LPP: variants seen among roughly 807,000 people sequenced by gnomAD.
The protein encoded by LPP is LIM domain containing preferred translocation partner in lipoma.
Under a neutral mutation model 60.4 loss-of-function variants are expected in LPP, and 38 were observed. The observed-to-expected ratio is 0.63, with a 90% CI of 0.49 to 0.83. The LOEUF is 0.83. LPP is among the 40% of genes least tolerant of loss of function. The pLI, the probability that LPP is intolerant of heterozygous loss-of-function variation, is 0.00. For missense variants in LPP, 902 were observed against 783.6 expected, an observed-to-expected ratio of 1.15 and a Z score of -1.80; for synonymous variants, 328 against 290.8, an observed-to-expected ratio of 1.13 and a Z score of -1.30.
chr3:188,192,398 T>C (rs1459495011), intron 1 of LPP, among the ~76,000 whole-genome samples: 2 of 152,194 alleles, frequency 1.3e-5, no homozygotes, highest in African/African-American at 4.8e-5. Flanking sequence ...AGTCGTCCTG[T>C]TAACAGCAGG....
At position 188,371,275 on chromosome 3, in the gene LPP, A is replaced by ATATGAAT. The variant is rs570967085; in HGVS notation, c.-10+29560_-10+29566dup. On this transcript the variant is annotated intron_variant, in intron 3 of 11. Transcript: ENST00000617246. ...GGGGGTCATTAATTCATTTATTTATATATGAATTATCTACATTCATTTATA... is the reference window on the plus strand; with the variant it reads ...GGGGGTCATTAATTCATTTATTTATATATGAATTATGAATTATCTACATTCATTTATA... Among the ~76,000 whole-genome samples, 365 of 148,450 alleles carry ATATGAAT rather than the reference A, an allele frequency of 2.5e-3. 1 individual carries two copies. Among genetic ancestry groups the ATATGAAT allele is most frequent in the African/African-American group, 9.2e-3 (349 of 38,116 alleles).
intron 1 of LPP, among the ~76,000 whole-genome samples, chr3:188,214,747 A>T (rs1712818579): frequency 6.6e-6 from 1 of 152,152 alleles, no homozygotes; most frequent in African/African-American, 2.4e-5. Flanking sequence ...GCCTTGAAGA[A>T]GGAAAGCCTG....
At chr3:188,798,421 G>C (rs1386913627) in intron 9 of LPP, among the ~76,000 whole-genome samples, 1 of 152,036 alleles carries the variant, frequency 6.6e-6, no homozygotes, top group African/African-American at 2.4e-5. Context: ...AACATAATAA[G>C]GCCTGTTGAG....
chr3:188,553,469 T>C (rs1335084498), intron 6 of LPP, among the ~76,000 whole-genome samples: 2 of 152,146 alleles, frequency 1.3e-5, no homozygotes, highest in African/African-American at 2.4e-5. Context: ...ATGTTGGAGC[T>C]GGCATTACCC....
chr3:188,181,873 C>T (rs537275901), intron 1 of LPP, among the ~76,000 whole-genome samples: 10 of 152,168 alleles, frequency 6.6e-5, no homozygotes, highest in Non-Finnish European at 1.5e-4. Context: ...CAGGTGCACG[C>T]CACTGCACCT....
chr3:188,231,184 G>A (rs1871518), intron 2 of LPP, among the ~76,000 whole-genome samples: 106,248 of 152,018 alleles, frequency 0.7, 38,500 homozygotes, highest in African/African-American at 0.89. Context: ...GAGTCACTAG[G>A]TCCAGGCCAC....
intron 2 of LPP, among the ~76,000 whole-genome samples, chr3:188,265,367 T>C (rs1735125748): frequency 6.6e-6 from 1 of 152,228 alleles, no homozygotes; most frequent in Admixed American, 6.5e-5. Context: ...GACCCCTGTC[T>C]GCGAAGAAAG....
chr3:188,346,871 C>CT, intron 3 of LPP, among the ~76,000 whole-genome samples: 1 of 152,274 alleles, frequency 6.6e-6, no homozygotes, highest in Admixed American at 6.5e-5. Context: ...TTGTTATACT[C>CT]TGAGTGTTAG....
At chr3:188,543,615 T>C (rs112000210) in intron 6 of LPP, among the ~76,000 whole-genome samples, 2,508 of 152,262 alleles carry the variant, frequency 0.016, 66 homozygotes, top group African/African-American at 0.053. Flanking sequence ...TCCTCAGTTA[T>C]TTGTCATGGG....
chr3:188,456,471 A>G (rs1004352188), intron 4 of LPP, among the ~76,000 whole-genome samples: 5 of 152,264 alleles, frequency 3.3e-5, no homozygotes, highest in Admixed American at 6.5e-5. Context: ...GTGATGAACA[A>G]ATCATTTGAT....
rs539317745 is a variant in LPP, at chr3:188,523,202, C to T, written c.307-1463C>T. ...GATTACAGGCATGAGCCACCGCGCCCGTCCTGAAATCCATGTTTAAAGAGG... is the reference window on the plus strand; with the variant it reads ...GATTACAGGCATGAGCCACCGCGCCTGTCCTGAAATCCATGTTTAAAGAGG... On this transcript the variant is annotated intron_variant, in intron 5 of 11. Coordinates refer to ENST00000617246, the MANE Select transcript of LPP (RefSeq NM_001375462.1). 1.4e-4 allele frequency among the ~76,000 whole-genome samples: 22 copies of T among 152,158 alleles called. No homozygotes were observed. In the East Asian group the frequency reaches 4.3e-3, roughly 29 times the overall value.
chr3:188,288,819 C>A lies in LPP; in HGVS notation c.-66-52844C>A, dbSNP rs113004294. On this transcript the variant is annotated intron_variant, in intron 2 of 11. Transcript: ENST00000617246. ...TCTCTCTCTCTCTCTCCACCCCCCA[C>A]CCCCCACCCCCACCCCCCCGCCCCT... Among the ~76,000 whole-genome samples, 31 of 28,314 alleles carry A rather than the reference C, an allele frequency of 1.1e-3. 1 individual carries two copies. The highest frequency in any genetic ancestry group is 4.3e-3 in the African/African-American group (16 of 3,736). 18.6% of individuals were successfully genotyped at this position (28,314 alleles called of 152,430 possible). A position where few individuals can be genotyped will look rare whatever the true frequency, so the allele number is the denominator to read the frequency against.
chr3:188,450,967 G>C (rs1796454546), intron 4 of LPP, among the ~76,000 whole-genome samples: 1 of 152,100 alleles, frequency 6.6e-6, no homozygotes, highest in Admixed American at 6.6e-5. Flanking sequence ...GCAGAAGTTA[G>C]CTCAGGATTT....
intron 4 of LPP, among the ~76,000 whole-genome samples, chr3:188,459,261 A>C (rs2149415679): frequency 6.6e-6 from 1 of 152,250 alleles, no homozygotes. Flanking sequence ...TTTCTGTTTG[A>C]CTAGATTACC....
intron 9 of LPP, among the ~76,000 whole-genome samples, chr3:188,828,630 A>C (rs1389992556): frequency 2.0e-5 from 3 of 147,644 alleles, no homozygotes; most frequent in Non-Finnish European, 3.0e-5. Flanking sequence ...AAAAAAAAAA[A>C]AAAAAAAAAA....
intron 9 of LPP, among the ~76,000 whole-genome samples, chr3:188,836,451 A>G (rs980620404): frequency 1.3e-5 from 2 of 152,202 alleles, no homozygotes; most frequent in Admixed American, 1.3e-4. Context: ...CCAATCCTGT[A>G]TGGAGTTCCC....
intron 7 of LPP, among the ~76,000 whole-genome samples, chr3:188,614,295 GGA>G (rs1398405033): frequency 6.6e-6 from 1 of 152,106 alleles, no homozygotes; most frequent in Non-Finnish European, 1.5e-5. Flanking sequence ...GTTGGCATTT[GGA>G]GAGAGTTATC....
Position 188,396,642 on chromosome 3 carries a change from G to A in LPP, c.-9-9470G>A, listed in dbSNP as rs78983070. ...ATCGTCACTTTTTCCTGGGTGAGGG[G>A]CAAAATCTTTATGAATTAGGCACTT... On this transcript the variant is annotated intron_variant, in intron 3 of 11. Transcript: ENST00000617246. 6.2e-3 allele frequency among the ~76,000 whole-genome samples: 940 copies of A among 152,290 alleles called. 10 individuals carry two copies. The highest frequency in any genetic ancestry group is 0.021 in the African/African-American group (874 of 41,560).
intron 3 of LPP, among the ~76,000 whole-genome samples, chr3:188,373,824 G>T (rs1018474050): frequency 6.6e-6 from 1 of 151,482 alleles, no homozygotes; most frequent in African/African-American, 2.4e-5. Context: ...TTTCTTCTAG[G>T]GTTTTTATGG....
Sources: allele counts gnomAD v4.1 joint callset (sites outside exome capture counted in the v4.1 genomes callset), GRCh38; gene constraint gnomAD v4.1.1; transcripts MANE v1.5; gene names NCBI Gene and HGNC (gene_info 2026-07-23, HGNC 2026-07-21).